The following CDYL2 variants were observed in gnomAD, a reference collection of about 807,000 sequenced individuals.
The protein encoded by CDYL2 is chromodomain Y-like protein 2.
A neutral mutation model predicts 49.4 loss-of-function variants in CDYL2; 23 were observed. The observed-to-expected ratio is 0.47, with a 90% CI of 0.34 to 0.66. The LOEUF (loss-of-function observed/expected upper bound fraction) is 0.66. Among genes scored for constraint, CDYL2 ranks in the 30% least tolerant of loss-of-function variants. The probability of loss-of-function intolerance (pLI) is 0.01; values close to 1 mark genes in which losing one functional copy is unlikely to be tolerated. For missense variants in CDYL2, 678 were observed against 656.4 expected (o/e 1.03, Z -0.36); for synonymous variants, 360 against 268.8 (o/e 1.34, Z -3.32).
At chr16:80,744,534 T>C (rs1441929667) in intron 1 of CDYL2, among the ~76,000 whole-genome samples, 2 of 152,222 alleles carry the variant, frequency 1.3e-5, no homozygotes, top group Admixed American at 6.5e-5. Context: ...TAGAAGGTAC[T>C]TTATTTCCAT....
At chr16:80,673,362 A>T (rs1597163943) in intron 2 of CDYL2, among the ~76,000 whole-genome samples, 2 of 152,140 alleles carry the variant, frequency 1.3e-5, no homozygotes, top group South Asian at 4.1e-4. Flanking sequence ...CAACAAGTGA[A>T]TTTAAGTCAA....
chr16:80,635,617 T>A (rs1320335063), intron 2 of CDYL2, among the ~76,000 whole-genome samples: 1 of 152,078 alleles, frequency 6.6e-6, no homozygotes, highest in Non-Finnish European at 1.5e-5. Context: ...AGAATCAATA[T>A]CGTAAAAATG....
chr16:80,623,567 C>A (rs1018253264), intron 3 of CDYL2, among the ~76,000 whole-genome samples: 1 of 152,142 alleles, frequency 6.6e-6, no homozygotes, highest in African/African-American at 2.4e-5. Flanking sequence ...CAGCCCAGAC[C>A]GACAGGATGA....
At chr16:80,734,738 G>C (rs550197293) in intron 1 of CDYL2, among the ~76,000 whole-genome samples, 7 of 152,262 alleles carry the variant, frequency 4.6e-5, no homozygotes, top group African/African-American at 1.4e-4. Context: ...ATGCATTCTA[G>C]GAAATGCAGG....
chr16:80,682,839 A>G (rs1910022944), intron 2 of CDYL2, among the ~76,000 whole-genome samples: 1 of 152,220 alleles, frequency 6.6e-6, no homozygotes, highest in African/African-American at 2.4e-5. Context: ...CGAGAGATGA[A>G]TTTCTAAAAC....
intron 2 of CDYL2, among the ~76,000 whole-genome samples, chr16:80,672,541 AAAGGAAAGG>A (rs1435178849): frequency 1.5e-5 from 1 of 67,850 alleles, no homozygotes; most frequent in African/African-American, 5.6e-5. Flanking sequence ...AAGGAAAAGG[AAAGGAAAGG>A]AAAGGAAAGG....
chr16:80,661,375 T>C (rs1011261963), intron 2 of CDYL2, among the ~76,000 whole-genome samples: 5 of 152,196 alleles, frequency 3.3e-5, no homozygotes, highest in Non-Finnish European at 7.3e-5. Flanking sequence ...AAGTGTCACT[T>C]TGGCATATTC....
At position 80,599,803 on chromosome 16, in the gene CDYL2, T is replaced by TA. The variant is rs1270051298; in HGVS notation, c.*4584dup. On this transcript the variant is annotated 3_prime_UTR_variant, in exon 7 of 7. Transcript: ENST00000570137. ...CAGCAGCCTTCCCTATGACCGTGTC[T>TA]AAACCATGTTTACAGTATGAAGGTG... 1 of 152,324 alleles carries TA rather than the reference T, an allele frequency of 6.6e-6. No homozygotes were observed. Among genetic ancestry groups the TA allele is most frequent in the Admixed American group, 6.5e-5 (1 of 15,296 alleles). The allele number at this position is 152,324 out of a possible 1,614,324, so 9.4% of individuals were successfully genotyped here. A position where few individuals can be genotyped will look rare whatever the true frequency, so the allele number is the denominator to read the frequency against.
chr16:80,611,185 G>A (rs778834725), intron 5 of CDYL2, among the ~76,000 whole-genome samples: 2 of 152,192 alleles, frequency 1.3e-5, no homozygotes, highest in Non-Finnish European at 2.9e-5. Context: ...AGAGAGCTGG[G>A]GAATAGAAGG....
chr16:80,611,331 G>A (rs999023807), intron 5 of CDYL2, among the ~76,000 whole-genome samples: 1 of 152,148 alleles, frequency 6.6e-6, no homozygotes, highest in Non-Finnish European at 1.5e-5. Flanking sequence ...GGAAGGAGGG[G>A]ACTCCCTGAG....
intron 2 of CDYL2, among the ~76,000 whole-genome samples, chr16:80,666,481 A>T (rs1475535225): frequency 6.6e-6 from 1 of 152,162 alleles, no homozygotes; most frequent in African/African-American, 2.4e-5. Context: ...AATGCCCTTC[A>T]TGGGGGAGGG....
At chr16:80,759,143 T>TTTTATA (rs1555535916) in intron 1 of CDYL2, among the ~76,000 whole-genome samples, 3 of 90,252 alleles carry the variant, frequency 3.3e-5, no homozygotes, top group African/African-American at 1.6e-4. Context: ...TATATATGGT[T>TTTTATA]TATATAAATA....
chr16:80,744,202 G>GA (rs2142555349), intron 1 of CDYL2, among the ~76,000 whole-genome samples: 1 of 152,322 alleles, frequency 6.6e-6, no homozygotes, highest in African/African-American at 2.4e-5. Flanking sequence ...CAGAGACGCA[G>GA]AAAAGGCAGG....
At chr16:80,744,215 C>T (rs142627894) in intron 1 of CDYL2, among the ~76,000 whole-genome samples, 2 of 152,142 alleles carry the variant, frequency 1.3e-5, no homozygotes, top group African/African-American at 4.8e-5. Flanking sequence ...AAGGCAGGAG[C>T]CCTGGGGAAC....
At chr16:80,739,567 C>T (rs926967189) in intron 1 of CDYL2, among the ~76,000 whole-genome samples, 2 of 152,152 alleles carry the variant, frequency 1.3e-5, no homozygotes, top group South Asian at 2.1e-4. Flanking sequence ...ACACAGCAGC[C>T]GGGCACCAGC....
At chr16:80,608,067 G>A (rs2142359668) in intron 6 of CDYL2, 25 bp downstream of exon 6, 4 of 1,545,288 alleles carry the variant, frequency 2.6e-6, no homozygotes, top group Non-Finnish European at 3.5e-6. Context: ...AAAAGGACAA[G>A]CACGCAGGAG....
At chr16:80,766,693 CAGAT>C (rs974996092) in intron 1 of CDYL2, among the ~76,000 whole-genome samples, 7 of 152,214 alleles carry the variant, frequency 4.6e-5, no homozygotes, top group South Asian at 2.1e-4. Flanking sequence ...GGACTGACTC[CAGAT>C]AGATAGATCA....
At chr16:80,644,910 TG>T (rs1908266671) in intron 2 of CDYL2, among the ~76,000 whole-genome samples, 1 of 152,064 alleles carries the variant, frequency 6.6e-6, no homozygotes, top group Non-Finnish European at 1.5e-5. Context: ...ATTTAATAAA[TG>T]GTGCTGGGAA....
intron 2 of CDYL2, among the ~76,000 whole-genome samples, chr16:80,681,141 G>A (rs1157159602): frequency 2.0e-5 from 3 of 152,156 alleles, no homozygotes; most frequent in South Asian, 2.1e-4. Flanking sequence ...TTGCTGTTCT[G>A]TATGCAGAAC....
Sources: gnomAD v4.1 joint callset for allele counts (sites outside exome capture counted in the v4.1 genomes callset) on GRCh38, gnomAD v4.1.1 for gene constraint, MANE v1.5 for transcripts, NCBI Gene and HGNC (gene_info 2026-07-23, HGNC 2026-07-21) for gene names.